The following SWT1 variants were observed in gnomAD, a reference collection of about 807,000 sequenced individuals.
SWT1 encodes the protein transcriptional protein SWT1.
Under a neutral mutation model 107.3 loss-of-function variants are expected in SWT1, and 33 were observed. The observed-to-expected ratio is 0.31, with a 90% CI of 0.23 to 0.41. The LOEUF is 0.41. Ranked by LOEUF, SWT1 falls within the 10% of genes least tolerant of loss-of-function variation. The pLI, the probability that SWT1 is intolerant of heterozygous loss-of-function variation, is 1.00. For missense variants in SWT1, 898 were observed against 1,028.9 expected (o/e 0.87, Z 1.74); for synonymous variants, 345 against 348.3 (o/e 0.99, Z 0.11).
intron 5 of SWT1, 100 bp from the exon 6 acceptor site, chr1:185,180,290 TA>T: frequency 2.2e-6 from 2 of 923,334 alleles, no homozygotes; most frequent in Non-Finnish European, 3.5e-6. Flanking sequence ...GGGCAACCCC[TA>T]AAGTGAATTA....
intron 14 of SWT1, among the ~76,000 whole-genome samples, chr1:185,219,607 C>G (rs927311162): frequency 1.3e-5 from 2 of 151,974 alleles, no homozygotes; most frequent in African/African-American, 2.4e-5. Context: ...ATAGTAGAGC[C>G]AAGACCAAAA....
Position 185,234,983 on chromosome 1 carries a change from A to G in SWT1, c.2441+3275A>G, listed in dbSNP as rs1033619499. Among the ~76,000 whole-genome samples, 20 of 152,324 alleles carry G rather than the reference A, an allele frequency of 1.3e-4. No individual in the cohort carries two copies. The Middle Eastern group carries it at 0.01, about 78-fold the overall frequency. ...CTAGAAGAATTGGATAAATTTCTGGACACATACACCCTCCCAAGACCAAAC... is the reference window on the plus strand; with the variant it reads ...CTAGAAGAATTGGATAAATTTCTGGGCACATACACCCTCCCAAGACCAAAC... On this transcript the variant is annotated intron_variant, in intron 16 of 18. Coordinates refer to ENST00000367500, the MANE Select transcript of SWT1 (RefSeq NM_017673.7).
intron 9 of SWT1, among the ~76,000 whole-genome samples, chr1:185,189,876 T>C (rs1389348593): frequency 6.6e-6 from 1 of 150,594 alleles, no homozygotes; most frequent in Middle Eastern, 3.2e-3. Flanking sequence ...TGAGATGGAG[T>C]CTCACTCTGT....
chr1:185,275,141 T>G lies in SWT1; in HGVS notation c.2509-1463T>G, dbSNP rs987026797. Among the ~76,000 whole-genome samples the G allele has an allele frequency of 1.2e-4, 19 of 152,216 alleles. 1 individual carries two copies. Among genetic ancestry groups the G allele is most frequent in the Admixed American group, 7.2e-4 (11 of 15,296 alleles). Reference sequence around the variant, plus strand: ...CATATTTAACAGGTTCAAATTCAGTTTTTCAGCTGATTTTTCTCAATAGTT... The same window carrying G: ...CATATTTAACAGGTTCAAATTCAGTGTTTCAGCTGATTTTTCTCAATAGTT... On this transcript the variant is annotated intron_variant, in intron 17 of 18. Coordinates refer to ENST00000367500, the MANE Select transcript of SWT1 (RefSeq NM_017673.7).
chr1:185,198,001 G>A (rs1657540957), intron 10 of SWT1, among the ~76,000 whole-genome samples: 1 of 152,028 alleles, frequency 6.6e-6, no homozygotes. Context: ...GTTTGCTCTT[G>A]TTTCTCTACG....
chr1:185,239,216 C>T (rs1044385680), intron 16 of SWT1, among the ~76,000 whole-genome samples: 3 of 152,062 alleles, frequency 2.0e-5, no homozygotes, highest in African/African-American at 7.2e-5. Context: ...ATGTCATTTA[C>T]CCTCTAAGTC....
At chr1:185,172,900 C>T (rs1281309065) in intron 4 of SWT1, among the ~76,000 whole-genome samples, 12 of 151,886 alleles carry the variant, frequency 7.9e-5, no homozygotes, top group East Asian at 5.8e-4. Context: ...AAAAACTAGC[C>T]GGGCGTGGTG....
At chr1:185,227,390 C>G in intron 15 of SWT1, 1 of 696,306 alleles carries the variant, frequency 1.4e-6, no homozygotes, top group South Asian at 1.4e-5. Context: ...GGGCCAGCAG[C>G]AGGCCAGTAC....
chr1:185,261,655 A>G (rs1380157234), intron 16 of SWT1, among the ~76,000 whole-genome samples: 1 of 144,024 alleles, frequency 6.9e-6, no homozygotes, highest in African/African-American at 2.7e-5. Context: ...CATCCTCACC[A>G]ATGCCTGTGA....
At chr1:185,269,568 A>G (rs946998441) in intron 16 of SWT1, among the ~76,000 whole-genome samples, 1 of 152,176 alleles carries the variant, frequency 6.6e-6, no homozygotes, top group Non-Finnish European at 1.5e-5. Flanking sequence ...ATAAAGGCCA[A>G]ATAGTCTAAG....
chr1:185,250,212 C>T (rs1661905837), intron 16 of SWT1, among the ~76,000 whole-genome samples: 1 of 152,150 alleles, frequency 6.6e-6, no homozygotes, highest in South Asian at 2.1e-4. Flanking sequence ...ACTGCAGCCT[C>T]GAACTCTTAG....
At chr1:185,237,013 A>G (rs1465696920) in intron 16 of SWT1, among the ~76,000 whole-genome samples, 1 of 152,230 alleles carries the variant, frequency 6.6e-6, no homozygotes, top group East Asian at 1.9e-4. Flanking sequence ...ATGAGATACT[A>G]TCTCACACCT....
intron 16 of SWT1, among the ~76,000 whole-genome samples, chr1:185,249,075 T>G (rs765924354): frequency 1.3e-5 from 2 of 151,990 alleles, no homozygotes; most frequent in Non-Finnish European, 2.9e-5. Context: ...AGTGTCTGGA[T>G]CTCCAGACAC....
chr1:185,273,204 A>C (rs1664004574), intron 17 of SWT1, among the ~76,000 whole-genome samples: 1 of 152,198 alleles, frequency 6.6e-6, no homozygotes, highest in Non-Finnish European at 1.5e-5. Context: ...CAGGAGTTTG[A>C]GAACAGGCTG....
intron 15 of SWT1, among the ~76,000 whole-genome samples, chr1:185,229,061 T>A (rs528571046): frequency 5.9e-5 from 9 of 152,232 alleles, no homozygotes; most frequent in African/African-American, 2.2e-4. Flanking sequence ...ACAGCACAAT[T>A]TTAAGCAAAG....
chr1:185,248,368 C>T (rs1661760612), intron 16 of SWT1, among the ~76,000 whole-genome samples: 1 of 152,106 alleles, frequency 6.6e-6, no homozygotes, highest in African/African-American at 2.4e-5. Context: ...AGAGAAGTTG[C>T]AGGATACGAT....
At chr1:185,159,967 G>A (rs1469154876) in intron 1 of SWT1, among the ~76,000 whole-genome samples, 5 of 151,998 alleles carry the variant, frequency 3.3e-5, no homozygotes, top group African/African-American at 7.3e-5. Context: ...CAGGTGATCC[G>A]CCTGTCTCGG....
intron 4 of SWT1, among the ~76,000 whole-genome samples, chr1:185,170,455 C>G (rs1192714280): frequency 6.6e-6 from 1 of 152,176 alleles, no homozygotes; most frequent in East Asian, 1.9e-4. Context: ...AGCAGCTGTT[C>G]CCTGGGTACC....
At chr1:185,245,580 T>C (rs973610218) in intron 16 of SWT1, among the ~76,000 whole-genome samples, 1 of 152,216 alleles carries the variant, frequency 6.6e-6, no homozygotes, top group Non-Finnish European at 1.5e-5. Flanking sequence ...ATTATCATTG[T>C]TAAGTATAAT....
Sources: gnomAD v4.1 joint callset for allele counts (sites outside exome capture counted in the v4.1 genomes callset) on GRCh38, gnomAD v4.1.1 for gene constraint, MANE v1.5 for transcripts, NCBI Gene and HGNC (gene_info 2026-07-23, HGNC 2026-07-21) for gene names.